SEL1L: variants seen among roughly 807,000 people sequenced by gnomAD.
SEL1L encodes the protein SEL1L adaptor subunit of SYVN1 ubiquitin ligase.
In SEL1L, 52 loss-of-function variants were observed where a neutral mutation model predicts 109.8. The ratio of observed to expected loss-of-function variants is 0.47; its 90% CI spans 0.38 to 0.60. The LOEUF is 0.60. SEL1L is among the 20% of genes least tolerant of loss of function. SEL1L has a pLI of 0.00. For synonymous variants in SEL1L, 373 were observed against 339.6 expected (o/e 1.10, Z -1.08); for missense variants, 749 against 962.2 (o/e 0.78, Z 2.93).
rs1903101817 is a variant in SEL1L, at chr14:81,474,534, T to TTA, written c.*2436_*2437dup. On this transcript the variant is annotated 3_prime_UTR_variant, in exon 21 of 21. Transcript: ENST00000336735. ...TGTCACTGACATTAACTAGCTTTAGTTATTGTCATTTTATTCAAATGGATG... is the reference window on the plus strand; with the variant it reads ...TGTCACTGACATTAACTAGCTTTAGTTATATTGTCATTTTATTCAAATGGATG... The TTA allele has an allele frequency of 6.6e-6, 1 of 152,212 alleles. No individual in the cohort carries two copies. Among genetic ancestry groups the TTA allele is most frequent in the African/African-American group, 2.4e-5 (1 of 41,442 alleles). 9.4% of individuals were successfully genotyped at this position (152,212 alleles called of 1,614,324 possible).
Position 81,502,806 on chromosome 14 carries a change from A to C in SEL1L, c.692T>G (p.Phe231Cys). 6.2e-7 allele frequency: 1 copy of C among 1,614,178 alleles called. No individual in the cohort carries two copies. The highest frequency in any genetic ancestry group is 8.5e-7 in the Non-Finnish European group (1 of 1,180,012). Residue 231 changes from phenylalanine to cysteine, a missense_variant, in exon 6 of 21, where the codon TTT (phenylalanine) becomes TGT (cysteine). By Grantham distance (205) the Phe-to-Cys change is radical (BLOSUM62 -2). This residue lies in a region of SEL1L where 366 missense variants were observed against 399.8 expected (regional missense o/e 0.92). Coordinates refer to ENST00000336735, the MANE Select transcript of SEL1L (RefSeq NM_005065.6). ...GATATTCTGTGGCAAGTAATCACCA[A>C]ATAAAAGAGCATATGACACTCTCTC... ...ALERVSYALL[F>C]GDYLPQNIQA...
chr14:81,512,137 G>T (rs1013109211), intron 3 of SEL1L, among the ~76,000 whole-genome samples: 10 of 151,964 alleles, frequency 6.6e-5, no homozygotes, highest in Admixed American at 5.2e-4. Context: ...CTATGAAGGT[G>T]ATTTTTGGAT....
At chr14:81,510,514 CTATATA>C (rs1555346599) in intron 3 of SEL1L, among the ~76,000 whole-genome samples, 32 of 104,080 alleles carry the variant, frequency 3.1e-4, no homozygotes, top group East Asian at 1.2e-3. Context: ...CTCTCTCTCT[CTATATA>C]TATATATATA....
chr14:81,533,835 C>T lies in SEL1L; in HGVS notation c.-91G>A. The stretch of plus-strand genomic sequence containing the variant: ...CCACCACCGCCGCCTCGCCGCTGCT[C>T]TTCCTGCTCTAGTCTCCTTCCTCCG... On this transcript the variant is annotated 5_prime_UTR_variant, in exon 1 of 21. Coordinates refer to ENST00000336735, the MANE Select transcript of SEL1L (RefSeq NM_005065.6). 7.7e-7 allele frequency: 1 copy of T among 1,300,728 alleles called. No individual in the cohort carries two copies. The highest frequency in any genetic ancestry group is 1.1e-6 in the Non-Finnish European group (1 of 918,628). 80.6% of individuals were successfully genotyped at this position (1,300,728 alleles called of 1,614,324 possible).
chr14:81,480,529 AC>A (rs1903320320), intron 19 of SEL1L, among the ~76,000 whole-genome samples: 2 of 152,062 alleles, frequency 1.3e-5, no homozygotes, highest in Admixed American at 6.6e-5. Context: ...TTCAAGACCA[AC>A]CTGGGCAACA....
At chr14:81,511,352 A>T (rs1284226656) in intron 3 of SEL1L, among the ~76,000 whole-genome samples, 1 of 152,234 alleles carries the variant, frequency 6.6e-6, no homozygotes, top group African/African-American at 2.4e-5. Context: ...ACCAGAATAA[A>T]GTGGCAAACT....
At position 81,474,516 on chromosome 14, in the gene SEL1L, G is replaced by A. The variant is rs1903101354; in HGVS notation, c.*2456C>T. 2 of 152,110 alleles carry A rather than the reference G, an allele frequency of 1.3e-5. No homozygotes were observed. The highest frequency in any genetic ancestry group is 4.8e-5 in the African/African-American group (2 of 41,424). The allele number at this position is 152,110 out of a possible 1,614,324, so 9.4% of individuals were successfully genotyped here. Reference sequence around the variant, plus strand: ...ATCCTGGAGTTAGTTTAATGTCACTGACATTAACTAGCTTTAGTTATTGTC... The same window carrying A: ...ATCCTGGAGTTAGTTTAATGTCACTAACATTAACTAGCTTTAGTTATTGTC... On this transcript the variant is annotated 3_prime_UTR_variant, in exon 21 of 21. Transcript: ENST00000336735.
chr14:81,504,398 A>C, intron 4 of SEL1L, 92 bp from the exon 5 acceptor site: 1 of 805,682 alleles, frequency 1.2e-6, no homozygotes, highest in Admixed American at 3.4e-5. Flanking sequence ...TCATACAAAC[A>C]AAATGAATGA....
At chr14:81,521,880 G>A (rs1205104119) in intron 3 of SEL1L, among the ~76,000 whole-genome samples, 1 of 152,138 alleles carries the variant, frequency 6.6e-6, no homozygotes, top group East Asian at 1.9e-4. Context: ...ACAGTTCCAT[G>A]CCTGTTAATG....
Position 81,533,845 on chromosome 14 carries a change from T to C in SEL1L, c.-101A>G. Reference sequence around the variant, plus strand: ...CGCCTCGCCGCTGCTCTTCCTGCTCTAGTCTCCTTCCTCCGCCCCTTCCCA... The same window carrying C: ...CGCCTCGCCGCTGCTCTTCCTGCTCCAGTCTCCTTCCTCCGCCCCTTCCCA... On this transcript the variant is annotated 5_prime_UTR_variant, in exon 1 of 21. Transcript: ENST00000336735. The C allele has an allele frequency of 2.4e-6, 3 of 1,225,560 alleles. No individual in the cohort carries two copies. The allele number at this position is 1,225,560 out of a possible 1,614,324, so 75.9% of individuals were successfully genotyped here. A position where few individuals can be genotyped will look rare whatever the true frequency, so the allele number is the denominator to read the frequency against.
chr14:81,533,553 C>G (rs1885417026), intron 1 of SEL1L, 122 bp downstream of exon 1: 1 of 887,624 alleles, frequency 1.1e-6, no homozygotes, highest in African/African-American at 1.7e-5. Context: ...CGAGTGACAG[C>G]CCAGTGCGAG....
At chr14:81,519,639 T>C (rs1281045506) in intron 3 of SEL1L, among the ~76,000 whole-genome samples, 2 of 152,220 alleles carry the variant, frequency 1.3e-5, no homozygotes, top group Non-Finnish European at 2.9e-5. Context: ...TCAGTCTGGC[T>C]GCTGTTAGGG....
intron 6 of SEL1L, among the ~76,000 whole-genome samples, chr14:81,499,887 TTTTA>T (rs1052341642): frequency 2.6e-5 from 4 of 151,188 alleles, no homozygotes; most frequent in Non-Finnish European, 5.9e-5. Context: ...TTAAAAAAAA[TTTTA>T]TTTATTTGTG....
intron 4 of SEL1L, among the ~76,000 whole-genome samples, chr14:81,504,950 CT>C (rs1435823965): frequency 1.3e-5 from 2 of 152,154 alleles, no homozygotes; most frequent in Non-Finnish European, 2.9e-5. Flanking sequence ...CAGCATCATG[CT>C]TCCTGTACAG....
In SEL1L at chr14:81,481,064, CTTTA is replaced by C. The variant is rs541636396; in HGVS notation, c.2047-1328_2047-1325del. 2.4e-3 allele frequency among the ~76,000 whole-genome samples: 358 copies of C among 152,240 alleles called. 6 individuals are homozygous for C. The Middle Eastern group carries it at 0.024, about 10-fold the overall frequency. On this transcript the variant is annotated intron_variant, in intron 19 of 20. Coordinates refer to ENST00000336735, the MANE Select transcript of SEL1L (RefSeq NM_005065.6). ...GAAATACTGGTTCTGGAGAAGGCTC[CTTTA>C]TTGACTAATTATAAACCCTTATTAG...
chr14:81,489,353 T>C (rs778422350), intron 13 of SEL1L, 39 bp from the exon 14 acceptor site: 3 of 1,540,008 alleles, frequency 1.9e-6, no homozygotes, highest in Admixed American at 3.6e-5. Context: ...GTGAAAAGAA[T>C]TCATTCAAAA....
intron 1 of SEL1L, among the ~76,000 whole-genome samples, chr14:81,527,972 C>T (rs1885177483): frequency 6.6e-6 from 1 of 152,066 alleles, no homozygotes; most frequent in African/African-American, 2.4e-5. Flanking sequence ...ACATTAGCTC[C>T]ATCTGTTACA....
intron 3 of SEL1L, among the ~76,000 whole-genome samples, chr14:81,506,969 T>A (rs1884265538): frequency 6.6e-6 from 1 of 152,098 alleles, no homozygotes; most frequent in Non-Finnish European, 1.5e-5. Context: ...AAGGAAAGCC[T>A]CCCCTCTCAG....
chr14:81,509,940 C>G (rs1015165460), intron 3 of SEL1L, among the ~76,000 whole-genome samples: 2 of 152,102 alleles, frequency 1.3e-5, no homozygotes, highest in Admixed American at 1.3e-4. Context: ...TGATAGGAAA[C>G]TGGGTAAATA....
Sources: gnomAD v4.1 joint callset for allele counts (sites outside exome capture counted in the v4.1 genomes callset) on GRCh38, gnomAD v4.1.1 for gene constraint, gnomAD v4.1.1 regional missense constraint, MANE v1.5 for transcripts, NCBI Gene and HGNC (gene_info 2026-07-23, HGNC 2026-07-21) for gene names.